The following TMEM108 variants were observed in gnomAD, a reference collection of about 807,000 sequenced individuals.
TMEM108 encodes cancer/testis antigen 124.
In TMEM108, 12 loss-of-function variants were observed where a neutral mutation model predicts 35.1. The ratio of observed to expected loss-of-function variants is 0.34; its 90% CI spans 0.22 to 0.55. The LOEUF (loss-of-function observed/expected upper bound fraction) is 0.55, where lower values mean the gene tolerates loss of function less well. TMEM108 is among the 20% of genes least tolerant of loss of function. The pLI is 0.89. For missense variants in TMEM108, 680 were observed against 753.3 expected (o/e 0.90, Z 1.14); for synonymous variants, 287 against 308.6 (o/e 0.93, Z 0.73).
At chr3:133,283,418 T>C (rs1314252640) in intron 3 of TMEM108, among the ~76,000 whole-genome samples, 1 of 152,234 alleles carries the variant, frequency 6.6e-6, no homozygotes, top group Non-Finnish European at 1.5e-5. Context: ...TTAATTACCC[T>C]GTCATTTCAG....
chr3:133,131,287 A>G (rs1944487167), intron 2 of TMEM108, among the ~76,000 whole-genome samples: 1 of 152,066 alleles, frequency 6.6e-6, no homozygotes, highest in Admixed American at 6.6e-5. Context: ...TTACAAACTT[A>G]GTACACGCAC....
chr3:133,379,300 C>T (rs2107837360), intron 3 of TMEM108, among the ~76,000 whole-genome samples: 1 of 152,352 alleles, frequency 6.6e-6, no homozygotes, highest in Admixed American at 6.5e-5. Context: ...AGGCCTTCCT[C>T]ATTTGGCTTG....
chr3:133,173,144 C>T (rs1384249591), intron 2 of TMEM108, among the ~76,000 whole-genome samples: 1 of 152,200 alleles, frequency 6.6e-6, no homozygotes, highest in African/African-American at 2.4e-5. Flanking sequence ...CTCAAGAAGG[C>T]AGCAAAAAGA....
intron 4 of TMEM108, among the ~76,000 whole-genome samples, chr3:133,385,145 A>G (rs2073114386): frequency 2.0e-5 from 3 of 152,226 alleles, no homozygotes; most frequent in South Asian, 4.1e-4. Flanking sequence ...TATAATTATT[A>G]TATAAGAAAA....
intron 2 of TMEM108, among the ~76,000 whole-genome samples, chr3:133,054,705 GTCTT>G (rs1258627007): frequency 3.9e-5 from 6 of 152,218 alleles, no homozygotes; most frequent in Admixed American, 6.5e-5. Flanking sequence ...AGAAGGCTCT[GTCTT>G]TATTTATGAC....
At chr3:133,375,709 G>A (rs2072815809) in intron 3 of TMEM108, among the ~76,000 whole-genome samples, 1 of 152,208 alleles carries the variant, frequency 6.6e-6, no homozygotes, top group Admixed American at 6.5e-5. Flanking sequence ...TGACAGTAGA[G>A]GTTGGAGGTG....
At chr3:133,107,957 C>T (rs1944176167) in intron 2 of TMEM108, among the ~76,000 whole-genome samples, 1 of 152,174 alleles carries the variant, frequency 6.6e-6, no homozygotes, top group Non-Finnish European at 1.5e-5. Flanking sequence ...TATAGCTGGG[C>T]ACGGTGGCTC....
intron 3 of TMEM108, among the ~76,000 whole-genome samples, chr3:133,328,708 C>T (rs2071359829): frequency 6.6e-6 from 1 of 152,194 alleles, no homozygotes; most frequent in South Asian, 2.1e-4. Context: ...TGTCATGCAG[C>T]TGCAGACAGA....
chr3:133,045,515 C>A (rs1202813947), intron 1 of TMEM108, among the ~76,000 whole-genome samples: 2 of 152,146 alleles, frequency 1.3e-5, no homozygotes, highest in Non-Finnish European at 2.9e-5. Context: ...TTTAGCCAAC[C>A]AACAGAATGT....
At chr3:133,193,984 T>C (rs1309923813) in intron 2 of TMEM108, among the ~76,000 whole-genome samples, 1 of 150,496 alleles carries the variant, frequency 6.6e-6, no homozygotes, top group Non-Finnish European at 1.5e-5. Context: ...TCACTCAGGC[T>C]GGAGTGCAGT....
intron 3 of TMEM108, among the ~76,000 whole-genome samples, chr3:133,241,330 C>A (rs548421035): frequency 6.6e-6 from 1 of 152,222 alleles, no homozygotes; most frequent in Non-Finnish European, 1.5e-5. Flanking sequence ...TCCTGTTCAT[C>A]CATTTCCGTT....
intron 5 of TMEM108, among the ~76,000 whole-genome samples, chr3:133,395,498 G>A (rs1434436897): frequency 1.3e-5 from 2 of 152,210 alleles, no homozygotes; most frequent in African/African-American, 4.8e-5. Context: ...CACTAGTGCA[G>A]TGAGCCATGC....
intron 2 of TMEM108, among the ~76,000 whole-genome samples, chr3:133,158,423 G>T (rs1018262972): frequency 7.1e-6 from 1 of 140,410 alleles, no homozygotes; most frequent in Non-Finnish European, 1.5e-5. Flanking sequence ...AGCCGAGATC[G>T]CGCCACTGCA....
chr3:133,128,188 C>T (rs1944442219), intron 2 of TMEM108, among the ~76,000 whole-genome samples: 1 of 152,190 alleles, frequency 6.6e-6, no homozygotes, highest in Admixed American at 6.5e-5. Flanking sequence ...AGAAGTCTGT[C>T]ATTTTCTCTT....
intron 3 of TMEM108, among the ~76,000 whole-genome samples, chr3:133,376,599 G>A (rs2072846439): frequency 6.6e-6 from 1 of 152,204 alleles, no homozygotes; most frequent in Admixed American, 6.5e-5. Context: ...CTTGATCAGT[G>A]AATATGGGAG....
intron 2 of TMEM108, among the ~76,000 whole-genome samples, chr3:133,194,000 G>A (rs1945540208): frequency 1.3e-5 from 2 of 149,594 alleles, no homozygotes; most frequent in South Asian, 2.1e-4. Flanking sequence ...GCAGTGGTGC[G>A]ATCTTGGCTC....
At chr3:133,277,361 A>G (rs1176488603) in intron 3 of TMEM108, among the ~76,000 whole-genome samples, 1 of 152,236 alleles carries the variant, frequency 6.6e-6, no homozygotes, top group East Asian at 1.9e-4. Flanking sequence ...AATGTGGCAA[A>G]AAGTTACGTA....
chr3:133,203,768 T>G (rs1346433914), intron 2 of TMEM108, among the ~76,000 whole-genome samples: 1 of 152,206 alleles, frequency 6.6e-6, no homozygotes, highest in Non-Finnish European at 1.5e-5. Flanking sequence ...TTTTTTGTTG[T>G]GTCCCTGCCA....
At chr3:133,065,870 T>C (rs1170771354) in intron 2 of TMEM108, among the ~76,000 whole-genome samples, 1 of 152,170 alleles carries the variant, frequency 6.6e-6, no homozygotes, top group Admixed American at 6.5e-5. Context: ...TATTAATGCA[T>C]GGCAATTTTA....
Sources: allele counts gnomAD v4.1 joint callset (sites outside exome capture counted in the v4.1 genomes callset), GRCh38; gene constraint gnomAD v4.1.1; transcripts MANE v1.5; gene names NCBI Gene and HGNC (gene_info 2026-07-23, HGNC 2026-07-21).